CYP3A5: variants seen among roughly 807,000 people sequenced by gnomAD.
CYP3A5 encodes the protein cytochrome P450 family 3 subfamily A member 5, also known as cytochrome P450 3A5.
Under a neutral mutation model 55.9 loss-of-function variants are expected in CYP3A5, and 51 were observed. The observed-to-expected ratio is 0.91, with a 90% CI of 0.73 to 1.15. The LOEUF is 1.15. Ranked by LOEUF, CYP3A5 falls within the 50% of genes most tolerant of loss-of-function variation. The pLI is 0.00. For synonymous variants in CYP3A5, 196 were observed against 213.9 expected, an observed-to-expected ratio of 0.92 and a Z score of 0.73; for missense variants, 533 against 596.6, an observed-to-expected ratio of 0.89 and a Z score of 1.11.
At chr7:99,661,754 C>T (rs1216548827) in intron 9 of CYP3A5, among the ~76,000 whole-genome samples, 3 of 152,192 alleles carry the variant, frequency 2.0e-5, no homozygotes, top group Non-Finnish European at 2.9e-5. Context: ...TAAATTCAAC[C>T]ATCCAATTAT....
At chr7:99,656,623 T>C (rs1450106039) in intron 10 of CYP3A5, among the ~76,000 whole-genome samples, 1 of 152,246 alleles carries the variant, frequency 6.6e-6, no homozygotes, top group Non-Finnish European at 1.5e-5. Flanking sequence ...ATTCCCTCTT[T>C]TTCTATTGAT....
intron 8 of CYP3A5, 131 bp from the exon 9 acceptor site, chr7:99,663,013 T>A: frequency 6.9e-7 from 1 of 1,452,338 alleles, no homozygotes; most frequent in Non-Finnish European, 9.1e-7. Context: ...TGAAGACGTG[T>A]TACCTGAGTC....
In CYP3A5 at chr7:99,666,887, T is replaced by C. The variant is rs556377010; in HGVS notation, c.432+65A>G. The C allele has an allele frequency of 2.6e-4, 415 of 1,602,158 alleles. 1 individual carries two copies. Among genetic ancestry groups the C allele is most frequent in the Non-Finnish European group, 3.4e-4 (401 of 1,172,196 alleles). Reference sequence around the variant, plus strand: ...ACCCCTTGGAAACGGACTGTGATCTTACTTTCTACCTGTCCCCAGATTCAT... The same window carrying C: ...ACCCCTTGGAAACGGACTGTGATCTCACTTTCTACCTGTCCCCAGATTCAT... On this transcript the variant is annotated intron_variant, in intron 5 of 12. Coordinates refer to ENST00000222982, the MANE Select transcript of CYP3A5 (RefSeq NM_000777.5).
chr7:99,649,071 C>T (rs1349843960), intron 12 of CYP3A5, among the ~76,000 whole-genome samples: 1 of 152,150 alleles, frequency 6.6e-6, no homozygotes, highest in African/African-American at 2.4e-5. Context: ...GAGTAACATT[C>T]TGATCTCAGT....
chr7:99,665,767 A>C (rs1355273942), intron 6 of CYP3A5, among the ~76,000 whole-genome samples: 2 of 152,264 alleles, frequency 1.3e-5, no homozygotes, highest in East Asian at 3.8e-4. Flanking sequence ...TTTACAAAAC[A>C]GTAACACCCT....
intron 10 of CYP3A5, among the ~76,000 whole-genome samples, chr7:99,654,439 C>A (rs1007007001): frequency 1.3e-5 from 2 of 152,180 alleles, no homozygotes; most frequent in Non-Finnish European, 2.9e-5. Flanking sequence ...GCATAGCATT[C>A]CATGGTGTAT....
At chr7:99,652,841 A>T (rs1219336909) in intron 10 of CYP3A5, 62 bp from the exon 11 acceptor site, 1 of 1,241,962 alleles carries the variant, frequency 8.1e-7, no homozygotes, top group Non-Finnish European at 1.2e-6. Context: ...AACTGAGTCC[A>T]TGCAGTACTA....
intron 1 of CYP3A5, 179 bp from the exon 2 acceptor site, chr7:99,676,387 T>C (rs1044861436): frequency 6.6e-7 from 1 of 1,516,470 alleles, no homozygotes; most frequent in African/African-American, 1.4e-5. Flanking sequence ...CTGACTATTC[T>C]GAGACCCCTG....
chr7:99,649,958 A>C lies in CYP3A5; in HGVS notation c.1413+115T>G. The C allele has an allele frequency of 2.3e-6, 3 of 1,292,676 alleles. 1 individual carries two copies. The highest frequency in any genetic ancestry group is 3.2e-6 in the Non-Finnish European group (3 of 934,808). The allele number at this position is 1,292,676 out of a possible 1,614,324, so 80.1% of individuals were successfully genotyped here. A position where few individuals can be genotyped will look rare whatever the true frequency, so the allele number is the denominator to read the frequency against. On this transcript the variant is annotated intron_variant, in intron 12 of 12. Coordinates refer to ENST00000222982, the MANE Select transcript of CYP3A5 (RefSeq NM_000777.5). Reference sequence around the variant, plus strand: ...TTAATGATCAAAGATGGATCCAAGTAGGTTCTTTGGCCCATAGAATGAATT... The same window carrying C: ...TTAATGATCAAAGATGGATCCAAGTCGGTTCTTTGGCCCATAGAATGAATT...
At chr7:99,679,183 A>G (rs1161925141) in intron 1 of CYP3A5, among the ~76,000 whole-genome samples, 3 of 152,304 alleles carry the variant, frequency 2.0e-5, no homozygotes, top group Middle Eastern at 3.4e-3. Context: ...AAGATAAACC[A>G]TCCTGTGTAT....
At chr7:99,672,795 C>G in intron 3 of CYP3A5, 116 bp from the exon 4 acceptor site, 2 of 1,537,626 alleles carry the variant, frequency 1.3e-6, no homozygotes, top group East Asian at 4.6e-5. Context: ...CCTAGTTGTA[C>G]GACACACAGC....
At chr7:99,655,064 C>A (rs1265458109) in intron 10 of CYP3A5, among the ~76,000 whole-genome samples, 1 of 152,204 alleles carries the variant, frequency 6.6e-6, no homozygotes, top group African/African-American at 2.4e-5. Flanking sequence ...TTTTGCTGTG[C>A]AGAAGCTCTT....
intron 7 of CYP3A5, 149 bp from the exon 8 acceptor site, chr7:99,664,244 C>T (rs1810751816): frequency 4.1e-6 from 3 of 738,028 alleles, no homozygotes; most frequent in Non-Finnish European, 4.4e-6. Flanking sequence ...GCCCTTCTTT[C>T]AGGCCGGCGA....
chr7:99,657,869 G>A (rs1809933087), intron 10 of CYP3A5, among the ~76,000 whole-genome samples: 1 of 152,076 alleles, frequency 6.6e-6, no homozygotes, highest in Non-Finnish European at 1.5e-5. Context: ...ATCTTTGTTG[G>A]TTTAAAGCCT....
chr7:99,668,986 A>G (rs1056201655), intron 4 of CYP3A5, among the ~76,000 whole-genome samples: 6 of 152,244 alleles, frequency 3.9e-5, no homozygotes, highest in Non-Finnish European at 5.9e-5. Context: ...ACATGTAAGT[A>G]TTCTTATTTG....
chr7:99,661,564 G>C (rs1005624602), intron 9 of CYP3A5, among the ~76,000 whole-genome samples: 7 of 152,196 alleles, frequency 4.6e-5, no homozygotes, highest in African/African-American at 1.7e-4. Flanking sequence ...GCTCACGATG[G>C]TCCATCACTA....
At position 99,662,724 on chromosome 7, in the gene CYP3A5, C is replaced by T; in HGVS notation, c.865+92G>A. On this transcript the variant is annotated intron_variant, in intron 9 of 12. Coordinates refer to ENST00000222982, the MANE Select transcript of CYP3A5 (RefSeq NM_000777.5). This position sits in a 1 kb window ranked among gnomAD's most constrained non-coding sequence, Gnocchi z 4.3. Reference sequence around the variant, plus strand: ...TGTTCTGCTATGTGGCAAAAATTCTCATCTTCCTGGAATACTTCCTGCACA... The same window carrying T: ...TGTTCTGCTATGTGGCAAAAATTCTTATCTTCCTGGAATACTTCCTGCACA... The T allele has an allele frequency of 1.6e-6, 2 of 1,282,374 alleles. No homozygotes were observed. Among genetic ancestry groups the T allele is most frequent in the East Asian group, 2.3e-5 (1 of 42,732 alleles). 79.4% of individuals were successfully genotyped at this position (1,282,374 alleles called of 1,614,324 possible).
At chr7:99,669,788 AG>A (rs960600363) in intron 4 of CYP3A5, among the ~76,000 whole-genome samples, 1 of 152,220 alleles carries the variant, frequency 6.6e-6, no homozygotes, top group African/African-American at 2.4e-5. Flanking sequence ...TATATGAAGC[AG>A]TGAAAAATAT....
chr7:99,679,727 G>T, intron 1 of CYP3A5, 99 bp downstream of exon 1: 1 of 1,155,644 alleles, frequency 8.7e-7, no homozygotes, highest in Middle Eastern at 2.6e-4. Flanking sequence ...ACTTCTCCTT[G>T]AACATCTCTT....
Sources: allele counts gnomAD v4.1 joint callset (sites outside exome capture counted in the v4.1 genomes callset), GRCh38; gene constraint gnomAD v4.1.1; non-coding constraint Gnocchi (gnomAD v3.1); transcripts MANE v1.5; gene names NCBI Gene and HGNC (gene_info 2026-07-23, HGNC 2026-07-21).